Variants in RPS2 observed in about 807,000 individuals in gnomAD.
The protein encoded by RPS2 is small ribosomal subunit protein uS5.
In RPS2, 8 loss-of-function variants were observed where a neutral mutation model predicts 25.3. That is an observed-to-expected ratio of 0.32 (90% confidence interval 0.19 to 0.57). The LOEUF (loss-of-function observed/expected upper bound fraction) is 0.57. Ranked by LOEUF, RPS2 falls within the 20% of genes least tolerant of loss-of-function variation. The pLI, the probability that RPS2 is intolerant of heterozygous loss-of-function variation, is 0.90. For missense variants in RPS2, 229 were observed against 408.1 expected, an observed-to-expected ratio of 0.56 and a Z score of 3.78; for synonymous variants, 181 against 161.3, an observed-to-expected ratio of 1.12 and a Z score of -0.92.
intron 6 of RPS2, 59 bp downstream of exon 6, chr16:1,962,438 C>T (rs1173249499): frequency 3.3e-6 from 5 of 1,518,160 alleles, no homozygotes; most frequent in Non-Finnish European, 4.6e-6. Flanking sequence ...ACACACTGGA[C>T]CCGTGTGGTT....
Position 1,964,649 on chromosome 16 carries a change from GA to G in RPS2, c.-3-22del, listed in dbSNP as rs2083290605. On this transcript the variant is annotated intron_variant, in intron 1 of 6. Transcript: ENST00000343262. The stretch of plus-strand genomic sequence containing the variant: ...ATTTGCTGGGAAAAGCGACAAGAAG[GA>G]ACTAGTCAGTGTGGCCTACGCATCT... The G allele has an allele frequency of 3.9e-6, 5 of 1,280,454 alleles. No homozygotes were observed. In the East Asian group the frequency reaches 1.2e-4, roughly 32 times the overall value. The allele number at this position is 1,280,454 out of a possible 1,614,324, so 79.3% of individuals were successfully genotyped here. A position where few individuals can be genotyped will look rare whatever the true frequency, so the allele number is the denominator to read the frequency against.
Position 1,962,130 on chromosome 16 carries a change from G to C in RPS2, c.850C>G (p.Arg284Gly), listed in dbSNP as rs746578617. Residue 284 changes from arginine to glycine, a missense_variant, in exon 7 of 7, where the codon CGG becomes GGG. Physicochemically the swap from Arg to Gly is moderately radical, Grantham distance 125. Around this residue, in one of 7 missense-constraint regions of RPS2, gnomAD observed 32 missense variants for 29.4 expected, o/e 1.09. Coordinates refer to ENST00000343262, the MANE Select transcript of RPS2 (RefSeq NM_002952.4). ...GTAGCCACAGCTGGAGCCTGAGTCC[G>C]CTGCACGGAGACTCTGGTGTGGGTC... ...VKTHTRVSVQ[R>G]TQAPAVATT The C allele has an allele frequency of 1.3e-6, 2 of 1,575,310 alleles. No homozygotes were observed. The highest frequency in any genetic ancestry group is 1.7e-6 in the Non-Finnish European group (2 of 1,169,506).
intron 6 of RPS2, 50 bp from the exon 7 acceptor site, chr16:1,962,320 TC>T: frequency 6.4e-7 from 1 of 1,551,906 alleles, no homozygotes; most frequent in Non-Finnish European, 8.9e-7. Flanking sequence ...TTGAGGCAAG[TC>T]CCCCAACCCA....
At chr16:1,963,493 G>A (rs985803169) in intron 3 of RPS2, among the ~76,000 whole-genome samples, 1 of 152,098 alleles carries the variant, frequency 6.6e-6, no homozygotes, top group Non-Finnish European at 1.5e-5. Context: ...GAGTGCGCCT[G>A]TAACCCCAGC....
chr16:1,962,439 C>G (rs2083265403), intron 6 of RPS2, 58 bp downstream of exon 6: 6 of 1,523,032 alleles, frequency 3.9e-6, no homozygotes, highest in Non-Finnish European at 5.5e-6. Context: ...CACACTGGAC[C>G]CGTGTGGTTA....
intron 3 of RPS2, among the ~76,000 whole-genome samples, chr16:1,963,493 G>C (rs985803169): frequency 6.6e-6 from 1 of 152,098 alleles, no homozygotes; most frequent in East Asian, 1.9e-4. Context: ...GAGTGCGCCT[G>C]TAACCCCAGC....
In RPS2 at chr16:1,962,889, G is replaced by A. The variant is rs148316080; in HGVS notation, c.396C>T (p.Asp132=). 2.1e-5 allele frequency: 34 copies of A among 1,601,092 alleles called. No homozygotes were observed. In the African/African-American group the frequency reaches 2.1e-4, roughly 10 times the overall value. Residue 132 remains aspartate (D), a synonymous_variant, in exon 5 of 7, where the codon GAC becomes GAT. Transcript: ENST00000343262. The part of the protein sequence containing the change: ...TRFKAFVAIG[D]YNGHVGLGVK... ...CACCCAGACCGACGTGGCCATTGTA[G>A]TCCCCGATAGCAACAAATGCCTGCG...
In RPS2 at chr16:1,962,239, G is replaced by C. The variant is rs11543071; in HGVS notation, c.741C>G (p.Thr247=). ...AGAGGTCGGGGGTCAGGTAGCTGTA[G>C]GTCTTAGAAATGGCATCAAAGGTGG... is the stretch of plus-strand genomic sequence containing the variant. ...AKATFDAISK[T]YSYLTPDLWK... The change falls in exon 7 of 7, where the codon ACC becomes ACG. Residue 247 remains threonine, a synonymous_variant. Transcript: ENST00000343262. 2 of 1,612,530 alleles carry C rather than the reference G, an allele frequency of 1.2e-6. No homozygotes were observed. Among genetic ancestry groups the C allele is most frequent in the East Asian group, 2.2e-5 (1 of 44,894 alleles).
At chr16:1,962,359 A>G in intron 6 of RPS2, 89 bp from the exon 7 acceptor site, 3 of 1,397,438 alleles carry the variant, frequency 2.1e-6, no homozygotes, top group Non-Finnish European at 3.1e-6. Context: ...AGGAACAGAG[A>G]GGCCATTCTG....
chr16:1,962,372 C>G (rs370897816), intron 6 of RPS2, 102 bp from the exon 7 acceptor site: 15 of 1,370,702 alleles, frequency 1.1e-5, no homozygotes, highest in East Asian at 6.9e-5. Context: ...CCATTCTGGG[C>G]GGGTCTGTCG....
Position 1,962,645 on chromosome 16 carries a change from G to A in RPS2, c.561C>T (p.Arg187=). Residue 187 remains arginine, a synonymous_variant, in exon 6 of 7, where the codon CGC becomes CGT. Transcript: ENST00000343262. The part of the protein sequence containing the change: ...PHTVPCKVTG[R]CGSVLVRLIP... ...TGAGGCGTACCAGCACAGAGCCGCAGCGGCCTGTCACCTGGTGAGGGAAGG... is the reference window on the plus strand; with the variant it reads ...TGAGGCGTACCAGCACAGAGCCGCAACGGCCTGTCACCTGGTGAGGGAAGG... The A allele has an allele frequency of 6.2e-7, 1 of 1,601,702 alleles. No individual in the cohort carries two copies.
chr16:1,963,282 G>A (rs1050764789), intron 3 of RPS2, 26 bp from the exon 4 acceptor site: 7 of 1,410,488 alleles, frequency 5.0e-6, no homozygotes, highest in South Asian at 2.6e-5. Flanking sequence ...AAATTGTAGG[G>A]AGAGCATTAA....
chr16:1,963,871 A>T (rs1052445093), intron 3 of RPS2: 6 of 434,188 alleles, frequency 1.4e-5, no homozygotes, highest in Admixed American at 1.1e-4. Flanking sequence ...CAAATATGCC[A>T]TTAGCCTTTC....
At chr16:1,963,606 C>T (rs1012253079) in intron 3 of RPS2, 4 of 344,834 alleles carry the variant, frequency 1.2e-5, no homozygotes, top group South Asian at 2.2e-5. Context: ...ACTGTGTAAC[C>T]GCCCACCCCG....
At chr16:1,963,679 C>T (rs2083279385) in intron 3 of RPS2, 8 of 395,158 alleles carry the variant, frequency 2.0e-5, no homozygotes, top group East Asian at 7.3e-5. Context: ...CTGTCCCCTT[C>T]GTTTCGTTTT....
rs1230644525 is a variant in RPS2 at position 1,962,133 on chromosome 16, G to A, written c.847C>T (p.Gln283Ter). ...GCCACAGCTGGAGCCTGAGTCCGCT[G>A]CACGGAGACTCTGGTGTGGGTCTTG... ...LVKTHTRVSV[Q>*]RTQAPAVATT The change falls in exon 7 of 7, where the codon CAG becomes TAG. Residue 283 changes from glutamine (Q) to a stop codon, truncating the protein, a stop_gained. Transcript: ENST00000343262. LOFTEE classifies it high-confidence loss of function. The A allele has an allele frequency of 1.3e-6, 2 of 1,578,858 alleles. No individual in the cohort carries two copies. The highest frequency in any genetic ancestry group is 1.7e-6 in the Non-Finnish European group (2 of 1,170,656).
At position 1,964,336 on chromosome 16, in the gene RPS2, C is replaced by A. The variant is rs1195590985; in HGVS notation, c.207G>T (p.Leu69Phe). The A allele has an allele frequency of 6.2e-7, 1 of 1,613,360 alleles. No homozygotes were observed. The highest frequency in any genetic ancestry group is 8.5e-7 in the Non-Finnish European group (1 of 1,179,962). The stretch of plus-strand genomic sequence containing the variant: ...GGGACTTGATCTTCATGTCCTTGAC[C>A]AAGCGGCCCAACTTGGTGACGGGCA... ...EWMPVTKLGRLVKDMKIKSLE... is the reference protein window; with the variant it reads ...EWMPVTKLGRFVKDMKIKSLE... The change falls in exon 3 of 7, where the codon TTG becomes TTT. Residue 69 changes from leucine (L) to phenylalanine (F), a missense_variant. Physicochemically the swap from Leu to Phe is conservative, Grantham distance 22. Transcript: ENST00000343262.
intron 3 of RPS2, chr16:1,963,545 G>A (rs912271137): frequency 2.7e-6 from 1 of 364,126 alleles, no homozygotes; most frequent in South Asian, 2.2e-5. Flanking sequence ...GAACCTGGGA[G>A]GTGGAGGTTG....
At chr16:1,962,689 C>T (rs557769944) in intron 5 of RPS2, 33 bp from the exon 6 acceptor site, 29 of 1,585,774 alleles carry the variant, frequency 1.8e-5, no homozygotes, top group Admixed American at 1.4e-4. Flanking sequence ...GACGGGGGCC[C>T]GAGGGAGCCT....
Sources: gnomAD v4.1 joint callset for allele counts (sites outside exome capture counted in the v4.1 genomes callset) on GRCh38, gnomAD v4.1.1 for gene constraint, gnomAD v4.1.1 regional missense constraint, MANE v1.5 for transcripts, NCBI Gene and HGNC (gene_info 2026-07-23, HGNC 2026-07-21) for gene names.